The following AKAP12 variants were observed in gnomAD, a reference collection of about 807,000 sequenced individuals.
AKAP12 encodes A-kinase anchoring protein 12, also known as A-kinase anchor protein 12.
A neutral mutation model predicts 79.9 loss-of-function variants in AKAP12; 32 were observed. That is an observed-to-expected ratio of 0.40 (90% CI 0.30 to 0.54). The LOEUF is 0.54. AKAP12 is among the 20% of genes least tolerant of loss of function. The pLI, the probability that AKAP12 is intolerant of heterozygous loss-of-function variation, is 0.48. For missense variants in AKAP12, 2,074 were observed against 2,177.0 expected (o/e 0.95, Z 0.94); for synonymous variants, 808 against 857.0 (o/e 0.94, Z 1.00).
chr6:151,288,135 G>C (rs1418121614), intron 2 of AKAP12, among the ~76,000 whole-genome samples: 1 of 151,632 alleles, frequency 6.6e-6, no homozygotes, highest in Non-Finnish European at 1.5e-5. Context: ...GATGGGTGCA[G>C]CAAATCACCA....
At chr6:151,314,882 G>A (rs550677475) in intron 3 of AKAP12, among the ~76,000 whole-genome samples, 42 of 152,054 alleles carry the variant, frequency 2.8e-4, no homozygotes, top group African/African-American at 9.4e-4. Flanking sequence ...GTGAAACCCC[G>A]TCCTACTAAA....
intron 2 of AKAP12, among the ~76,000 whole-genome samples, chr6:151,284,986 A>C (rs984912783): frequency 5.3e-5 from 8 of 152,214 alleles, no homozygotes; most frequent in Non-Finnish European, 8.8e-5. Context: ...GTCAACAAAG[A>C]GAATGAAATG....
At chr6:151,242,371 T>C (rs979169590) in intron 2 of AKAP12, among the ~76,000 whole-genome samples, 4 of 152,200 alleles carry the variant, frequency 2.6e-5, no homozygotes, top group Admixed American at 6.5e-5. Context: ...CCTTATCCTT[T>C]TCCTCTTTCC....
At chr6:151,325,113 A>G in intron 3 of AKAP12, 2 of 985,424 alleles carry the variant, frequency 2.0e-6, no homozygotes, top group Non-Finnish European at 2.4e-6. Context: ...CCCTTCTCAA[A>G]GAGTTTAGGA....
At chr6:151,280,976 A>G (rs1776394415) in intron 2 of AKAP12, among the ~76,000 whole-genome samples, 1 of 152,150 alleles carries the variant, frequency 6.6e-6, no homozygotes, top group African/African-American at 2.4e-5. Flanking sequence ...GTGTAATTCT[A>G]AAGATATATA....
intron 2 of AKAP12, among the ~76,000 whole-genome samples, chr6:151,293,496 C>T (rs1172375892): frequency 6.6e-6 from 1 of 152,102 alleles, no homozygotes; most frequent in Non-Finnish European, 1.5e-5. Context: ...AATTAATTTG[C>T]CCAGGACAGC....
chr6:151,284,176 C>G (rs1776458067), intron 2 of AKAP12, among the ~76,000 whole-genome samples: 1 of 152,180 alleles, frequency 6.6e-6, no homozygotes, highest in Non-Finnish European at 1.5e-5. Flanking sequence ...GTTATTGCTC[C>G]ATTACATTCT....
chr6:151,308,839 G>A (rs772021401), intron 3 of AKAP12, among the ~76,000 whole-genome samples: 1 of 151,806 alleles, frequency 6.6e-6, no homozygotes, highest in Admixed American at 6.6e-5. Flanking sequence ...GCATTTTTCC[G>A]TGCTTTTGAC....
chr6:151,287,513 G>A (rs1406738809), intron 2 of AKAP12, among the ~76,000 whole-genome samples: 1 of 152,132 alleles, frequency 6.6e-6, no homozygotes, highest in Non-Finnish European at 1.5e-5. Context: ...TGCCCACCTC[G>A]GCCTTGGAAA....
At chr6:151,269,680 A>G (rs1419925906) in intron 2 of AKAP12, among the ~76,000 whole-genome samples, 1 of 152,216 alleles carries the variant, frequency 6.6e-6, no homozygotes, top group East Asian at 1.9e-4. Flanking sequence ...CCTAGTCTCA[A>G]TTGCTGGAAA....
chr6:151,261,004 C>T (rs1357019221), intron 2 of AKAP12, among the ~76,000 whole-genome samples: 4 of 152,012 alleles, frequency 2.6e-5, no homozygotes, highest in Non-Finnish European at 5.9e-5. Context: ...TTCCTCCATA[C>T]TTTTCCTAAA....
At chr6:151,285,132 C>G (rs538665073) in intron 2 of AKAP12, among the ~76,000 whole-genome samples, 1 of 152,242 alleles carries the variant, frequency 6.6e-6, no homozygotes, top group South Asian at 2.1e-4. Flanking sequence ...GACTAATGCT[C>G]CATTGTGAAA....
chr6:151,324,556 C>T (rs1206491683), intron 3 of AKAP12: 2 of 985,296 alleles, frequency 2.0e-6, no homozygotes, highest in African/African-American at 3.5e-5. Context: ...CCCCTCCCTC[C>T]TCCCTGCCCC....
intron 2 of AKAP12, among the ~76,000 whole-genome samples, chr6:151,299,921 G>A (rs1315156380): frequency 6.6e-6 from 1 of 152,016 alleles, no homozygotes; most frequent in African/African-American, 2.4e-5. Flanking sequence ...GAGGCACCAC[G>A]CCCAACCCTA....
intron 2 of AKAP12, among the ~76,000 whole-genome samples, chr6:151,248,035 C>T (rs1055217873): frequency 1.3e-4 from 20 of 151,012 alleles, no homozygotes; most frequent in African/African-American, 4.5e-4. Flanking sequence ...GATTTCAAAA[C>T]GAAATAAACC....
At chr6:151,265,892 A>G (rs866605277) in intron 2 of AKAP12, among the ~76,000 whole-genome samples, 1 of 152,234 alleles carries the variant, frequency 6.6e-6, no homozygotes, top group African/African-American at 2.4e-5. Flanking sequence ...GATGAGCCCA[A>G]CAATGACATT....
At chr6:151,327,824 A>C (rs1777566871) in intron 3 of AKAP12, among the ~76,000 whole-genome samples, 1 of 152,218 alleles carries the variant, frequency 6.6e-6, no homozygotes, top group South Asian at 2.1e-4. Flanking sequence ...AAAATTTTGC[A>C]CTTTTTCCTG....
At chr6:151,268,945 GTTTTTTTTTTTTTTTTTTTT>G (rs558502756) in intron 2 of AKAP12, among the ~76,000 whole-genome samples, 10 of 77,416 alleles carry the variant, frequency 1.3e-4, no homozygotes, top group African/African-American at 4.6e-4. Flanking sequence ...TGCTCGGCCT[GTTTTTTTTTTTTTTTTTTTT>G]TTTTTTTTTT....
intron 3 of AKAP12, among the ~76,000 whole-genome samples, chr6:151,339,050 C>T (rs1554332118): frequency 6.6e-6 from 1 of 152,224 alleles, no homozygotes; most frequent in Non-Finnish European, 1.5e-5. Context: ...GATTTATGCA[C>T]TCTTTTCAAA....
Sources: gnomAD v4.1 joint callset for allele counts (sites outside exome capture counted in the v4.1 genomes callset) on GRCh38, gnomAD v4.1.1 for gene constraint, MANE v1.5 for transcripts, NCBI Gene and HGNC (gene_info 2026-07-23, HGNC 2026-07-21) for gene names.